The following SERINC3 variants were observed in gnomAD, a reference collection of about 807,000 sequenced individuals.
The protein encoded by SERINC3 is tumor differentially expressed protein 1.
A neutral mutation model predicts 52.1 loss-of-function variants in SERINC3; 22 were observed. The observed-to-expected ratio is 0.42, with a 90% confidence interval of 0.30 to 0.60. SERINC3 has a LOEUF of 0.60. SERINC3 is among the 20% of genes least tolerant of loss of function. The pLI is 0.16. For missense variants in SERINC3, 564 were observed against 584.6 expected, an observed-to-expected ratio of 0.96 and a Z score of 0.36; for synonymous variants, 226 against 212.7, an observed-to-expected ratio of 1.06 and a Z score of -0.54.
chr20:44,512,084 G>A (rs573736975), intron 3 of SERINC3, among the ~76,000 whole-genome samples: 21 of 152,258 alleles, frequency 1.4e-4, no homozygotes, highest in African/African-American at 3.6e-4. Context: ...AGGCAAAGGC[G>A]GGCGGACCAC....
At chr20:44,519,988 A>C (rs1270647528) in intron 1 of SERINC3, among the ~76,000 whole-genome samples, 1 of 152,174 alleles carries the variant, frequency 6.6e-6, no homozygotes, top group Non-Finnish European at 1.5e-5. Flanking sequence ...TGAGGGTCAT[A>C]GTAGGAGGTT....
intron 1 of SERINC3, among the ~76,000 whole-genome samples, chr20:44,518,921 A>C (rs1358006148): frequency 9.3e-5 from 14 of 150,300 alleles, no homozygotes; most frequent in Non-Finnish European, 1.8e-4. Flanking sequence ...CCAAGATCCC[A>C]CCATTGCACT....
chr20:44,507,760 T>G (rs1354934250), intron 5 of SERINC3, among the ~76,000 whole-genome samples: 1 of 152,140 alleles, frequency 6.6e-6, no homozygotes, highest in Non-Finnish European at 1.5e-5. Context: ...CCCCAGCTAC[T>G]TGGGAAGCTG....
At chr20:44,505,050 G>T (rs2064302840) in intron 6 of SERINC3, among the ~76,000 whole-genome samples, 159 bp from the exon 7 acceptor site, 1 of 152,178 alleles carries the variant, frequency 6.6e-6, no homozygotes. Flanking sequence ...TGTTCAGTTA[G>T]CTCGCAAAAG....
intron 5 of SERINC3, among the ~76,000 whole-genome samples, chr20:44,509,536 T>G (rs895689893): frequency 6.6e-6 from 1 of 152,138 alleles, no homozygotes; most frequent in Admixed American, 6.6e-5. Flanking sequence ...TTAATGTTAT[T>G]ATTATTTTTA....
rs2064369037 is a variant in SERINC3, at chr20:44,514,682, A to G, written c.40-642T>C. Among the ~76,000 whole-genome samples the G allele has an allele frequency of 2.6e-5, 4 of 152,252 alleles. No individual in the cohort carries two copies. In the South Asian group the frequency reaches 8.3e-4, roughly 32 times the overall value. On this transcript the variant is annotated intron_variant, in intron 1 of 9. Transcript: ENST00000342374. ...AGGCTGAGGCAGGAGAATGGCATGA[A>G]CCCAGGAGGCGGAGCTCACACTGAG...
rs141378916 is a variant in SERINC3 at position 44,518,018 on chromosome 20, C to T, written c.39+3895G>A. On this transcript the variant is annotated intron_variant, in intron 1 of 9. Transcript: ENST00000342374. Reference sequence around the variant, plus strand: ...TTCCCAAAATCCTCATCCAATCTGTCAGTACATCAGCTCTACCCTTAAAAT... The same window carrying T: ...TTCCCAAAATCCTCATCCAATCTGTTAGTACATCAGCTCTACCCTTAAAAT... Among the ~76,000 whole-genome samples the T allele has an allele frequency of 1.6e-3, 251 of 152,298 alleles. 2 individuals are homozygous for T. Among genetic ancestry groups the T allele is most frequent in the African/African-American group, 5.8e-3 (242 of 41,564 alleles).
chr20:44,503,558 G>C (rs1489321263), intron 8 of SERINC3, among the ~76,000 whole-genome samples: 1 of 152,178 alleles, frequency 6.6e-6, no homozygotes, highest in African/African-American at 2.4e-5. Context: ...TGAGGCAGAA[G>C]AACTGCTTGA....
rs1178615415 is a variant in SERINC3, at chr20:44,500,971, T to C, written c.1283+102A>G. 10 of 777,310 alleles carry C rather than the reference T, an allele frequency of 1.3e-5. No individual in the cohort carries two copies. In the East Asian group the frequency reaches 2.6e-4, roughly 20 times the overall value. 48.2% of individuals were successfully genotyped at this position (777,310 alleles called of 1,614,324 possible). On this transcript the variant is annotated intron_variant, in intron 9 of 9. Transcript: ENST00000342374. ...AAGAGTATTTAACCCAACTTCATTA[T>C]ATGGGTAAGAGCAAGGGTTCTGAGG...
At chr20:44,509,066 TAAGGA>T (rs2064331732) in intron 5 of SERINC3, among the ~76,000 whole-genome samples, 1 of 152,272 alleles carries the variant, frequency 6.6e-6, no homozygotes, top group Non-Finnish European at 1.5e-5. Context: ...GAATCTGTCC[TAAGGA>T]AATAATCAGA....
At chr20:44,506,250 C>T (rs1185589697) in intron 6 of SERINC3, among the ~76,000 whole-genome samples, 1 of 143,846 alleles carries the variant, frequency 7.0e-6, no homozygotes, top group Non-Finnish European at 1.5e-5. Context: ...CATCGCACTC[C>T]AGCCTAGGGG....
chr20:44,521,341 G>A (rs922679393), intron 1 of SERINC3, among the ~76,000 whole-genome samples: 1 of 152,194 alleles, frequency 6.6e-6, no homozygotes, highest in African/African-American at 2.4e-5. Flanking sequence ...GAGGAATGCT[G>A]GGGTGATTAT....
At chr20:44,521,494 G>A (rs566530987) in intron 1 of SERINC3, among the ~76,000 whole-genome samples, 2 of 152,210 alleles carry the variant, frequency 1.3e-5, no homozygotes, top group Admixed American at 6.5e-5. Context: ...CACACACTCT[G>A]TAGTTTTGGC....
chr20:44,505,941 T>C (rs2123042281), intron 6 of SERINC3, among the ~76,000 whole-genome samples: 1 of 152,208 alleles, frequency 6.6e-6, no homozygotes, highest in East Asian at 1.9e-4. Flanking sequence ...GAGTTTTGTT[T>C]TGAAATATTA....
intron 1 of SERINC3, among the ~76,000 whole-genome samples, chr20:44,519,790 C>T (rs1213111104): frequency 7.9e-6 from 1 of 125,958 alleles, no homozygotes; most frequent in Non-Finnish European, 1.7e-5. Context: ...TGTCCCCCTC[C>T]AAAAAAAAAA....
At chr20:44,512,165 T>C (rs2064351469) in intron 3 of SERINC3, among the ~76,000 whole-genome samples, 1 of 151,720 alleles carries the variant, frequency 6.6e-6, no homozygotes. Flanking sequence ...ATACAAAAAT[T>C]AGCCAGGCAT....
At chr20:44,517,122 G>A (rs1292951249) in intron 1 of SERINC3, among the ~76,000 whole-genome samples, 1 of 152,170 alleles carries the variant, frequency 6.6e-6, no homozygotes, top group Non-Finnish European at 1.5e-5. Flanking sequence ...CTGTAAAAAT[G>A]AGCATAATAC....
chr20:44,521,828 T>G, intron 1 of SERINC3, 85 bp downstream of exon 1: 1 of 1,390,830 alleles, frequency 7.2e-7, no homozygotes. Context: ...CGAGAGCCTC[T>G]GGAGCCAAGG....
rs762159553 is a variant in SERINC3, at chr20:44,503,855, T to C, written c.1015A>G (p.Ile339Val). Residue 339 changes from isoleucine to valine, a missense_variant, in exon 8 of 10, where the codon ATT becomes GTT. Transcript: ENST00000342374. ...SGSLLDSDNFIGLFVFVLCLL... is the reference protein window; with the variant it reads ...SGSLLDSDNFVGLFVFVLCLL... ...CAGAGAACAAAGACAAACAGTCCAA[T>C]AAAATTATCTGAATCCAGTAAAGAC... is the stretch of plus-strand genomic sequence containing the variant. 1.3e-6 allele frequency: 2 copies of C among 1,588,052 alleles called. No individual in the cohort carries two copies. Among genetic ancestry groups the C allele is most frequent in the African/African-American group, 2.7e-5 (2 of 72,966 alleles).
Sources: allele counts gnomAD v4.1 joint callset (sites outside exome capture counted in the v4.1 genomes callset), GRCh38; gene constraint gnomAD v4.1.1; transcripts MANE v1.5; gene names NCBI Gene and HGNC (gene_info 2026-07-23, HGNC 2026-07-21).